SORCS2: variants seen among roughly 807,000 people sequenced by gnomAD.
The protein encoded by SORCS2 is VPS10 domain-containing receptor SorCS2.
In SORCS2, 100 loss-of-function variants were observed where a neutral mutation model predicts 141.6. That is an observed-to-expected ratio of 0.71 (90% CI 0.60 to 0.83). The LOEUF (loss-of-function observed/expected upper bound fraction) is 0.83, where lower values mean the gene tolerates loss of function less well. Among genes scored for constraint, SORCS2 ranks in the 40% least tolerant of loss-of-function variants. The pLI is 0.00. For missense variants in SORCS2, 1,646 were observed against 1,560.2 expected (o/e 1.05, Z -0.93); for synonymous variants, 789 against 676.9 (o/e 1.17, Z -2.57).
intron 4 of SORCS2, 79 bp downstream of exon 4, chr4:7,638,571 G>A: frequency 7.0e-7 from 1 of 1,436,340 alleles, no homozygotes; most frequent in Non-Finnish European, 9.3e-7. Flanking sequence ...TGCCCACTTG[G>A]AGCAAGTGGG....
chr4:7,707,180 C>T (rs1190329963), intron 14 of SORCS2, among the ~76,000 whole-genome samples: 11 of 152,168 alleles, frequency 7.2e-5, no homozygotes, highest in South Asian at 2.1e-4. Context: ...ATCCAATGCA[C>T]GTTTATTGAG....
At position 7,733,403 on chromosome 4, in the gene SORCS2, C is replaced by A; in HGVS notation, c.3190C>A (p.Leu1064Met). The A allele has an allele frequency of 6.3e-7, 1 of 1,591,166 alleles. No individual in the cohort carries two copies. The highest frequency in any genetic ancestry group is 2.3e-5 in the East Asian group (1 of 43,956). The change falls in exon 24 of 27, where the codon CTG becomes ATG. Residue 1064 changes from leucine (L) to methionine (M), a missense_variant. Coordinates refer to ENST00000507866, the MANE Select transcript of SORCS2 (RefSeq NM_020777.3). The stretch of plus-strand genomic sequence containing the variant: ...AGGCGGAGTCCGGGTCCTGGTGGCC[C>A]TGCGGGACACAGGCACAGGTGAGCC... ...LRGGVRVLVA[L>M]RDTGTGAEQL...
At chr4:7,598,815 G>C (rs1309780211) in intron 3 of SORCS2, among the ~76,000 whole-genome samples, 1 of 152,218 alleles carries the variant, frequency 6.6e-6, no homozygotes, top group Non-Finnish European at 1.5e-5. Flanking sequence ...TGTTGGGGGT[G>C]GGGACAGGGG....
chr4:7,333,251 G>A (rs533306615), intron 1 of SORCS2, among the ~76,000 whole-genome samples: 86 of 152,344 alleles, frequency 5.6e-4, no homozygotes, highest in African/African-American at 1.4e-3. Flanking sequence ...TGCCTCTTGC[G>A]TTGGGTGTTG....
chr4:7,369,469 C>T (rs6853740), intron 1 of SORCS2, among the ~76,000 whole-genome samples: 6,564 of 152,266 alleles, frequency 0.043, 345 homozygotes, highest in East Asian at 0.17. Flanking sequence ...CCTGCAGCAG[C>T]CCCATTGCAT....
At chr4:7,252,451 C>G (rs1235934660) in intron 1 of SORCS2, among the ~76,000 whole-genome samples, 1 of 152,184 alleles carries the variant, frequency 6.6e-6, no homozygotes, top group Non-Finnish European at 1.5e-5. Flanking sequence ...GCTTCTCACC[C>G]CCTTCTCTTT....
intron 1 of SORCS2, among the ~76,000 whole-genome samples, chr4:7,241,549 T>C (rs1444556424): frequency 6.6e-6 from 1 of 152,104 alleles, no homozygotes; most frequent in Non-Finnish European, 1.5e-5. Context: ...GCCTGGTGCA[T>C]GGTTGTGATG....
chr4:7,725,072 T>C (rs1661618469), intron 19 of SORCS2, 82 bp from the exon 20 acceptor site: 1 of 1,470,072 alleles, frequency 6.8e-7, no homozygotes, highest in Non-Finnish European at 9.2e-7. Context: ...ATGAAGTTGC[T>C]GGTGACAGTG....
At chr4:7,216,986 G>A (rs1728395493) in intron 1 of SORCS2, among the ~76,000 whole-genome samples, 1 of 152,116 alleles carries the variant, frequency 6.6e-6, no homozygotes, top group African/African-American at 2.4e-5. Context: ...CATCCGCACT[G>A]TGTGGCGGTT....
At chr4:7,600,937 G>A (rs895309020) in intron 3 of SORCS2, among the ~76,000 whole-genome samples, 3 of 152,152 alleles carry the variant, frequency 2.0e-5, no homozygotes, top group Non-Finnish European at 4.4e-5. Flanking sequence ...CCAGGCTGGT[G>A]GGCAATGGCA....
chr4:7,536,137 C>T (rs576807299), intron 3 of SORCS2, among the ~76,000 whole-genome samples: 1 of 152,168 alleles, frequency 6.6e-6, no homozygotes, highest in African/African-American at 2.4e-5. Flanking sequence ...ACTCAGAGGC[C>T]GAGGGCATCA....
chr4:7,683,239 TCAG>T (rs1723646706), intron 10 of SORCS2, among the ~76,000 whole-genome samples: 1 of 83,960 alleles, frequency 1.2e-5, no homozygotes, highest in African/African-American at 6.0e-5. Context: ...TTGGCTGGGA[TCAG>T]CTGAGCGGCT....
intron 1 of SORCS2, among the ~76,000 whole-genome samples, chr4:7,370,792 G>A (rs925908626): frequency 2.6e-5 from 4 of 152,178 alleles, no homozygotes; most frequent in African/African-American, 9.7e-5. Context: ...GTCCTCTCTG[G>A]CTGGTCCCTG....
At chr4:7,395,680 T>C (rs2109112049) in intron 1 of SORCS2, among the ~76,000 whole-genome samples, 1 of 152,128 alleles carries the variant, frequency 6.6e-6, no homozygotes, top group East Asian at 1.9e-4. Flanking sequence ...GTGTGATGAA[T>C]GAATGAATGA....
At chr4:7,472,127 C>A (rs767365783) in intron 2 of SORCS2, among the ~76,000 whole-genome samples, 2 of 152,236 alleles carry the variant, frequency 1.3e-5, no homozygotes, top group African/African-American at 2.4e-5. Context: ...GTGCTCTGTG[C>A]TGTTAGCTCG....
intron 2 of SORCS2, among the ~76,000 whole-genome samples, chr4:7,459,634 G>A (rs1190003197): frequency 6.6e-6 from 1 of 152,172 alleles, no homozygotes; most frequent in East Asian, 1.9e-4. Flanking sequence ...ATCTGTCCTG[G>A]CCCAGCCTGG....
intron 2 of SORCS2, among the ~76,000 whole-genome samples, chr4:7,496,374 C>T (rs1731615916): frequency 6.6e-6 from 1 of 152,050 alleles, no homozygotes; most frequent in Non-Finnish European, 1.5e-5. Flanking sequence ...CCTTGCGCTT[C>T]CTACCACACC....
intron 2 of SORCS2, among the ~76,000 whole-genome samples, chr4:7,457,142 C>T (rs1018632798): frequency 6.6e-6 from 1 of 152,190 alleles, no homozygotes; most frequent in Non-Finnish European, 1.5e-5. Context: ...CCAGAGTGAA[C>T]AGCACACGAC....
intron 1 of SORCS2, among the ~76,000 whole-genome samples, chr4:7,350,070 C>T (rs1720850185): frequency 1.3e-5 from 2 of 152,302 alleles, no homozygotes; most frequent in East Asian, 3.9e-4. Flanking sequence ...GTGTCCAATG[C>T]TAGCCAAAGT....
Sources: allele counts gnomAD v4.1 joint callset (sites outside exome capture counted in the v4.1 genomes callset), GRCh38; gene constraint gnomAD v4.1.1; transcripts MANE v1.5; gene names NCBI Gene and HGNC (gene_info 2026-07-23, HGNC 2026-07-21).